The following DPP10 variants were observed in gnomAD, a reference collection of about 807,000 sequenced individuals.
DPP10 encodes inactive dipeptidyl peptidase 10.
DPP10 carries 33 observed loss-of-function variants against 120.9 expected under a neutral mutation model. The ratio of observed to expected loss-of-function variants is 0.27; its 90% CI spans 0.21 to 0.37. The LOEUF (loss-of-function observed/expected upper bound fraction) is 0.37. DPP10 is among the 10% of genes least tolerant of loss of function. The probability of loss-of-function intolerance (pLI) is 1.00; values close to 1 mark genes in which losing one functional copy is unlikely to be tolerated. For synonymous variants in DPP10, 337 were observed against 326.1 expected (o/e 1.03, Z -0.36); for missense variants, 816 against 942.8 (o/e 0.87, Z 1.76).
chr2:115,545,935 A>C (rs958332321), intron 5 of DPP10, among the ~76,000 whole-genome samples: 2 of 152,046 alleles, frequency 1.3e-5, no homozygotes, highest in South Asian at 2.1e-4. Flanking sequence ...CCCTTTATTT[A>C]ATGTTTTCAT....
chr2:115,394,466 C>T (rs1383260840), intron 3 of DPP10, among the ~76,000 whole-genome samples: 1 of 128,132 alleles, frequency 7.8e-6, no homozygotes, highest in Non-Finnish European at 1.6e-5. Flanking sequence ...TAATCAACCT[C>T]ACCAAAAAAA....
chr2:115,204,967 G>C (rs1188312003), intron 1 of DPP10, among the ~76,000 whole-genome samples: 1 of 152,072 alleles, frequency 6.6e-6, no homozygotes, highest in Non-Finnish European at 1.5e-5. Context: ...ATTTGTTTAA[G>C]TATCTTATAC....
At chr2:114,974,417 C>CT (rs36001857) in intron 1 of DPP10, among the ~76,000 whole-genome samples, 69,438 of 131,550 alleles carry the variant, frequency 0.53, 18,728 homozygotes, top group Non-Finnish European at 0.55. Flanking sequence ...CCTTTTTATC[C>CT]TTTTTTTTTT....
At chr2:115,693,310 A>G (rs1292719284) in intron 7 of DPP10, among the ~76,000 whole-genome samples, 1 of 152,150 alleles carries the variant, frequency 6.6e-6, no homozygotes, top group East Asian at 1.9e-4. Flanking sequence ...TGAAACATTC[A>G]TGGACAATGG....
At chr2:115,453,619 T>C (rs1370772278) in intron 3 of DPP10, among the ~76,000 whole-genome samples, 1 of 151,604 alleles carries the variant, frequency 6.6e-6, no homozygotes, top group African/African-American at 2.4e-5. Context: ...TTTCAACATT[T>C]ATAGAATGCA....
At chr2:115,550,661 A>G (rs2079818766) in intron 5 of DPP10, among the ~76,000 whole-genome samples, 1 of 152,160 alleles carries the variant, frequency 6.6e-6, no homozygotes, top group Admixed American at 6.6e-5. Context: ...AAGAGAATCA[A>G]CTATAACGCT....
chr2:114,704,734 C>G (rs1476620165), intron 1 of DPP10, among the ~76,000 whole-genome samples: 1 of 152,126 alleles, frequency 6.6e-6, no homozygotes, highest in African/African-American at 2.4e-5. Context: ...ATGTAATGGA[C>G]AAAATGGGGG....
intron 1 of DPP10, among the ~76,000 whole-genome samples, chr2:114,638,399 T>G (rs769076335): frequency 2.0e-5 from 3 of 151,722 alleles, no homozygotes; most frequent in Non-Finnish European, 4.4e-5. Flanking sequence ...AACGAAGGAC[T>G]AAAATCCAGA....
rs1448297591 is a variant in DPP10 at position 115,261,612 on chromosome 2, T to TTG, written c.61-47617_61-47616dup. ...AGAGGACAAGGGGAGGGAATTTATT[T>TTG]TGTGTGTGTGTTGTAAAATCAGAAG... On this transcript the variant is annotated intron_variant, in intron 1 of 25. Transcript: ENST00000410059. Among the ~76,000 whole-genome samples the TTG allele has an allele frequency of 7.9e-5, 12 of 152,292 alleles. No homozygotes were observed. The East Asian group carries it at 1.7e-3, about 22-fold the overall frequency.
intron 5 of DPP10, among the ~76,000 whole-genome samples, chr2:115,605,402 T>A (rs2083639695): frequency 6.6e-6 from 1 of 152,150 alleles, no homozygotes; most frequent in Non-Finnish European, 1.5e-5. Flanking sequence ...CTTTTTAATT[T>A]ATTACCTGCT....
chr2:115,620,671 G>A (rs1054751489), intron 5 of DPP10, among the ~76,000 whole-genome samples: 1 of 152,190 alleles, frequency 6.6e-6, no homozygotes, highest in Non-Finnish European at 1.5e-5. Flanking sequence ...CCCATATGGG[G>A]TACAAGATTA....
chr2:115,363,519 C>T (rs558399412), intron 3 of DPP10, among the ~76,000 whole-genome samples: 1 of 152,240 alleles, frequency 6.6e-6, no homozygotes, highest in Admixed American at 6.5e-5. Context: ...GTGTACAGTA[C>T]CTGAAATGGG....
chr2:115,377,820 C>T (rs1478285014), intron 3 of DPP10, among the ~76,000 whole-genome samples: 1 of 152,100 alleles, frequency 6.6e-6, no homozygotes, highest in East Asian at 1.9e-4. Flanking sequence ...ATCCTTTCCC[C>T]ATTGCTTGTT....
chr2:115,714,812 G>A (rs774372874), intron 7 of DPP10, among the ~76,000 whole-genome samples: 25 of 152,072 alleles, frequency 1.6e-4, no homozygotes, highest in Non-Finnish European at 3.2e-4. Context: ...GGTGGATCAC[G>A]AGGTCAGGAG....
Position 115,067,503 on chromosome 2 carries a change from C to T in DPP10, c.61-241736C>T, listed in dbSNP as rs566879608. On this transcript the variant is annotated intron_variant, in intron 1 of 25. Coordinates refer to ENST00000410059, the MANE Select transcript of DPP10 (RefSeq NM_020868.6). ...TCCTGACCTCGTGATCCCCCCGCCT[C>T]GGCCTCCCAAAGTGCTGGGATCACA... 2.8e-3 allele frequency among the ~76,000 whole-genome samples: 418 copies of T among 149,666 alleles called. 2 individuals carry two copies. Among genetic ancestry groups the T allele is most frequent in the Admixed American group, 4.3e-3 (65 of 15,110 alleles).
chr2:115,139,724 TAAAAAAAAA>T (rs55826687), intron 1 of DPP10, among the ~76,000 whole-genome samples: 32 of 56,630 alleles, frequency 5.7e-4, no homozygotes, highest in African/African-American at 2.0e-3. Flanking sequence ...GTAAAAATAC[TAAAAAAAAA>T]AAAAAAAAAA....
At chr2:114,562,505 G>T (rs1279776049) in intron 1 of DPP10, among the ~76,000 whole-genome samples, 3 of 152,206 alleles carry the variant, frequency 2.0e-5, no homozygotes, top group Admixed American at 2.0e-4. Flanking sequence ...AATCAAGCCT[G>T]TTGGGGAAAG....
rs1227035458 is a variant in DPP10 at position 115,730,616 on chromosome 2, C to A, written c.697+2680C>A. Among the ~76,000 whole-genome samples, 5 of 152,294 alleles carry A rather than the reference C, an allele frequency of 3.3e-5. No individual in the cohort carries two copies. The East Asian group carries it at 9.7e-4, about 29-fold the overall frequency. On this transcript the variant is annotated intron_variant, in intron 8 of 25. Coordinates refer to ENST00000410059, the MANE Select transcript of DPP10 (RefSeq NM_020868.6). ...GGTCTCTGTCCTATTGAAAAGGCTT[C>A]ATACATTTATAAGGAAATTTTAAGG...
At chr2:115,431,331 C>A (rs781496739) in intron 3 of DPP10, among the ~76,000 whole-genome samples, 1 of 151,994 alleles carries the variant, frequency 6.6e-6, no homozygotes, top group Admixed American at 6.6e-5. Flanking sequence ...GAGTAGACGA[C>A]GAAGTGAAAG....
Sources: allele counts gnomAD v4.1 joint callset (sites outside exome capture counted in the v4.1 genomes callset), GRCh38; gene constraint gnomAD v4.1.1; transcripts MANE v1.5; gene names NCBI Gene and HGNC (gene_info 2026-07-23, HGNC 2026-07-21).